Variants in GUCY1B1 observed in about 807,000 individuals in gnomAD.
GUCY1B1 encodes guanylate cyclase 1 soluble subunit beta 1, also known as guanylate cyclase soluble subunit beta-1.
Under a neutral mutation model 71.0 loss-of-function variants are expected in GUCY1B1, and 43 were observed. The ratio of observed to expected loss-of-function variants is 0.61; its 90% CI spans 0.47 to 0.78. The LOEUF is 0.78. Among genes scored for constraint, GUCY1B1 ranks in the 30% least tolerant of loss-of-function variants. GUCY1B1 has a pLI of 0.00. For synonymous variants in GUCY1B1, 266 were observed against 259.7 expected (o/e 1.02, Z -0.23); for missense variants, 535 against 754.1 (o/e 0.71, Z 3.40).
At chr4:155,804,164 A>C (rs1285625784) in intron 11 of GUCY1B1, among the ~76,000 whole-genome samples, 1 of 152,170 alleles carries the variant, frequency 6.6e-6, no homozygotes, top group Non-Finnish European at 1.5e-5. Context: ...GTTGTCCATA[A>C]TATGCTTGAA....
intron 2 of GUCY1B1, among the ~76,000 whole-genome samples, chr4:155,761,366 T>G (rs1348546678): frequency 1.3e-5 from 2 of 152,164 alleles, no homozygotes; most frequent in Non-Finnish European, 2.9e-5. Context: ...ATATATATTC[T>G]CCATATGATG....
At chr4:155,783,785 T>A (rs1446592668) in intron 4 of GUCY1B1, among the ~76,000 whole-genome samples, 1 of 152,202 alleles carries the variant, frequency 6.6e-6, no homozygotes, top group East Asian at 1.9e-4. Context: ...TTCCCTAAAT[T>A]ATTTATATTT....
chr4:155,767,883 G>A (rs1737445621), intron 2 of GUCY1B1, among the ~76,000 whole-genome samples: 1 of 152,090 alleles, frequency 6.6e-6, no homozygotes, highest in Non-Finnish European at 1.5e-5. Context: ...AGTTTATAGT[G>A]GGAGATTTTA....
At chr4:155,782,299 C>T (rs1170314420) in intron 4 of GUCY1B1, among the ~76,000 whole-genome samples, 1 of 152,062 alleles carries the variant, frequency 6.6e-6, no homozygotes, top group Non-Finnish European at 1.5e-5. Context: ...CCGTGTTAGC[C>T]AGAATGGTCT....
intron 8 of GUCY1B1, among the ~76,000 whole-genome samples, chr4:155,797,594 C>T (rs1379859939): frequency 1.3e-5 from 2 of 151,494 alleles, no homozygotes; most frequent in Non-Finnish European, 2.9e-5. Flanking sequence ...AAAAATTAGC[C>T]AGGAGTGGTG....
chr4:155,805,255 C>A, intron 13 of GUCY1B1, 26 bp downstream of exon 13: 1 of 1,584,666 alleles, frequency 6.3e-7, no homozygotes, highest in Non-Finnish European at 8.6e-7. Flanking sequence ...GTGTAATTTG[C>A]GTACTTAAGA....
chr4:155,784,574 C>A (rs749802916), intron 4 of GUCY1B1, among the ~76,000 whole-genome samples: 2 of 152,084 alleles, frequency 1.3e-5, no homozygotes, highest in Non-Finnish European at 2.9e-5. Context: ...ATACCTCATC[C>A]TCCTTCATTG....
chr4:155,795,286 G>T, intron 6 of GUCY1B1, 55 bp from the exon 7 acceptor site: 2 of 831,884 alleles, frequency 2.4e-6, no homozygotes, highest in Non-Finnish European at 2.0e-6. Flanking sequence ...TAATATCAAA[G>T]TATAAAAACT....
At chr4:155,791,145 C>T (rs1216927023) in intron 5 of GUCY1B1, among the ~76,000 whole-genome samples, 2 of 150,246 alleles carry the variant, frequency 1.3e-5, no homozygotes, top group Admixed American at 6.6e-5. Flanking sequence ...GACAGAGTCT[C>T]ACTCTGTCTC....
At chr4:155,775,338 G>A (rs1480977266) in intron 3 of GUCY1B1, among the ~76,000 whole-genome samples, 2 of 152,212 alleles carry the variant, frequency 1.3e-5, no homozygotes, top group African/African-American at 4.8e-5. Context: ...CACCCAGGCT[G>A]CACTGCAGTA....
chr4:155,795,918 C>T (rs367754661), intron 7 of GUCY1B1, among the ~76,000 whole-genome samples: 1 of 152,054 alleles, frequency 6.6e-6, no homozygotes, highest in Non-Finnish European at 1.5e-5. Context: ...TGGGATCTCA[C>T]GGTTTCTGTT....
intron 5 of GUCY1B1, among the ~76,000 whole-genome samples, chr4:155,792,262 T>C (rs1387377893): frequency 6.6e-6 from 1 of 152,098 alleles, no homozygotes; most frequent in Non-Finnish European, 1.5e-5. Flanking sequence ...AAAATATGAT[T>C]AGAAAAGCTA....
In GUCY1B1 at chr4:155,794,063, G is replaced by A. The variant is rs1251647333; in HGVS notation, c.703G>A (p.Ala235Thr). Residue 235 changes from alanine to threonine, a missense_variant, in exon 6 of 14, where the codon GCT (alanine) becomes ACT (threonine). By Grantham distance (58) the Ala-to-Thr change is moderately conservative. Transcript: ENST00000264424. ...CCTAGTGGTCACTCAGTGTGGCAAT[G>A]CTATATACAGAGTTCTCCCCCAGGT... The part of the protein sequence containing the change: ...RDLVVTQCGN[A>T]IYRVLPQLQP... The A allele has an allele frequency of 6.2e-7, 1 of 1,601,988 alleles. No individual in the cohort carries two copies. Among genetic ancestry groups the A allele is most frequent in the Non-Finnish European group, 8.6e-7 (1 of 1,169,192 alleles).
At chr4:155,787,597 C>G (rs1375383601) in intron 4 of GUCY1B1, among the ~76,000 whole-genome samples, 1 of 152,186 alleles carries the variant, frequency 6.6e-6, no homozygotes, top group African/African-American at 2.4e-5. Flanking sequence ...TGATATAAAC[C>G]ATGAGCTGCT....
intron 2 of GUCY1B1, among the ~76,000 whole-genome samples, chr4:155,760,560 C>T (rs564529879): frequency 2.6e-5 from 4 of 151,930 alleles, no homozygotes; most frequent in Non-Finnish European, 5.9e-5. Flanking sequence ...CCACACCCAC[C>T]TGAGAGTTTA....
intron 3 of GUCY1B1, 96 bp downstream of exon 3, chr4:155,775,164 T>G: frequency 1.3e-6 from 1 of 751,808 alleles, no homozygotes; most frequent in Non-Finnish European, 2.4e-6. Flanking sequence ...ACAGAAGTGG[T>G]GCAGAGCATT....
rs1159531527 is a variant in GUCY1B1, at chr4:155,759,960, CG to C, written c.77+101del. ...CTCAGCCTGCTGGCCGGGTCGCGGG[CG>C]CGCATCCTTGGAGGTGCCTCCGCGC... On this transcript the variant is annotated intron_variant, in intron 2 of 13. Transcript: ENST00000264424. 1.7e-5 allele frequency: 14 copies of C among 835,086 alleles called. No homozygotes were observed. The Admixed American group carries it at 3.1e-4, about 18-fold the overall frequency. The allele number at this position is 835,086 out of a possible 1,614,324, so 51.7% of individuals were successfully genotyped here.
rs564318707 is a variant in GUCY1B1 at position 155,766,050 on chromosome 4, G to GCT, written c.77+6200_77+6201dup. Among the ~76,000 whole-genome samples, 36 of 152,104 alleles carry GCT rather than the reference G, an allele frequency of 2.4e-4. No homozygotes were observed. The South Asian group carries it at 7.1e-3, about 30-fold the overall frequency. On this transcript the variant is annotated intron_variant, in intron 2 of 13. Coordinates refer to ENST00000264424, the MANE Select transcript of GUCY1B1 (RefSeq NM_000857.5). ...TAGCCTCCATAACTCTTTCTAGAGT[G>GCT]CTCTCTCTCTCCCTCTCTCTATGTA...
Position 155,804,709 on chromosome 4 carries a change from A to G in GUCY1B1, c.1671A>G (p.Gly557=). The change falls in exon 12 of 14, where the codon GGA becomes GGG. Residue 557 remains glycine, a synonymous_variant. Coordinates refer to ENST00000264424, the MANE Select transcript of GUCY1B1 (RefSeq NM_000857.5). ...TCACAAGCCGAACAGAAACCACAGG[A>G]GAAAAGGGAAAAATAAATGTGTCTG... ...VNLTSRTETT[G]EKGKINVSEY... is the part of the protein sequence containing the mutation. 1 of 1,613,396 alleles carries G rather than the reference A, an allele frequency of 6.2e-7. No individual in the cohort carries two copies. The highest frequency in any genetic ancestry group is 1.7e-5 in the Admixed American group (1 of 59,904).
Sources: gnomAD v4.1 joint callset for allele counts (sites outside exome capture counted in the v4.1 genomes callset) on GRCh38, gnomAD v4.1.1 for gene constraint, MANE v1.5 for transcripts, NCBI Gene and HGNC (gene_info 2026-07-23, HGNC 2026-07-21) for gene names.